The following PDE8B variants were observed in gnomAD, a reference collection of about 807,000 sequenced individuals.
PDE8B encodes phosphodiesterase 8B.
In PDE8B, 26 loss-of-function variants were observed where a neutral mutation model predicts 101.3. The ratio of observed to expected loss-of-function variants is 0.26; its 90% confidence interval spans 0.19 to 0.36. The LOEUF (loss-of-function observed/expected upper bound fraction) is 0.36. Ranked by LOEUF, PDE8B falls within the 10% of genes least tolerant of loss-of-function variation. The probability of loss-of-function intolerance (pLI) is 1.00; values close to 1 mark genes in which losing one functional copy is unlikely to be tolerated. For synonymous variants in PDE8B, 424 were observed against 429.3 expected, an observed-to-expected ratio of 0.99 and a Z score of 0.15; for missense variants, 810 against 1,163.1, an observed-to-expected ratio of 0.70 and a Z score of 4.42.
In PDE8B at chr5:77,291,523, G is replaced by A; in HGVS notation, c.340-20471G>A. 6 of 1,606,792 alleles carry A rather than the reference G, an allele frequency of 3.7e-6. No individual in the cohort carries two copies. In the South Asian group the frequency reaches 5.5e-5, roughly 15 times the overall value. ...AAGAATGAAGAAGAGGTCTTTGCAT[G>A]GAATACTGAAGTAAAACAGAGACTT... On this transcript the variant is annotated intron_variant, in intron 1 of 21. Coordinates refer to ENST00000264917, the MANE Select transcript of PDE8B (RefSeq NM_003719.5).
chr5:77,226,840 G>A (rs1460609145), intron 1 of PDE8B, among the ~76,000 whole-genome samples: 1 of 152,088 alleles, frequency 6.6e-6, no homozygotes, highest in African/African-American at 2.4e-5. Context: ...GGAGGTGTGA[G>A]ATCTCTGAGA....
At chr5:77,349,993 T>C (rs1192977079) in intron 8 of PDE8B, among the ~76,000 whole-genome samples, 1 of 152,152 alleles carries the variant, frequency 6.6e-6, no homozygotes, top group Non-Finnish European at 1.5e-5. Context: ...CAACATACAT[T>C]TGTAGCTTCC....
chr5:77,234,630 G>A (rs1440437088), intron 1 of PDE8B, among the ~76,000 whole-genome samples: 1 of 152,142 alleles, frequency 6.6e-6, no homozygotes, highest in Non-Finnish European at 1.5e-5. Flanking sequence ...AGAGACTCCA[G>A]TCTGGCCTTC....
intron 11 of PDE8B, among the ~76,000 whole-genome samples, chr5:77,404,316 G>T (rs773381275): frequency 6.6e-6 from 1 of 151,794 alleles, no homozygotes; most frequent in Non-Finnish European, 1.5e-5. Context: ...GTAGAGACAG[G>T]GTTTCTCCAT....
intron 1 of PDE8B, among the ~76,000 whole-genome samples, chr5:77,308,063 C>T (rs1385652915): frequency 6.6e-6 from 1 of 152,202 alleles, no homozygotes; most frequent in Non-Finnish European, 1.5e-5. Context: ...TGGTGAAATG[C>T]AGGCAGTTAG....
Position 77,272,671 on chromosome 5 carries a change from T to C in PDE8B, c.340-39323T>C, listed in dbSNP as rs1440602447. Among the ~76,000 whole-genome samples the C allele has an allele frequency of 2.0e-5, 3 of 152,268 alleles. 1 individual carries two copies. The South Asian group carries it at 6.2e-4, about 32-fold the overall frequency. On this transcript the variant is annotated intron_variant, in intron 1 of 21. Coordinates refer to ENST00000264917, the MANE Select transcript of PDE8B (RefSeq NM_003719.5). ...ACTTAGCATGGTACCTGGCACATAG[T>C]AAGTGCTCAATAAGCACTAGCTTCT...
the PDE8B span, among the ~76,000 whole-genome samples, chr5:77,201,657 A>G: frequency 6.6e-6 from 1 of 152,200 alleles, no homozygotes; most frequent in Non-Finnish European, 1.5e-5. Flanking sequence ...TTTTGCCATC[A>G]GTTTTGATAT....
At chr5:77,094,638 T>C in the PDE8B span, among the ~76,000 whole-genome samples, 1 of 152,212 alleles carries the variant, frequency 6.6e-6, no homozygotes, top group African/African-American at 2.4e-5. Flanking sequence ...TAGTCCATTT[T>C]GCATTGCTAT....
chr5:77,344,797 A>G, intron 6 of PDE8B, 56 bp from the exon 7 acceptor site: 1 of 1,106,694 alleles, frequency 9.0e-7, no homozygotes, highest in Non-Finnish European at 1.4e-6. Flanking sequence ...AAATTAACAG[A>G]TGAAATGTGA....
At chr5:77,148,165 T>G in the PDE8B span, 2 of 152,202 alleles carry the variant, frequency 1.3e-5, no homozygotes, top group Admixed American at 1.3e-4. Context: ...AATTGTCTCA[T>G]TTGTCTTTTA....
intron 10 of PDE8B, among the ~76,000 whole-genome samples, chr5:77,376,263 A>G (rs1255404131): frequency 6.6e-6 from 1 of 152,116 alleles, no homozygotes; most frequent in Non-Finnish European, 1.5e-5. Context: ...GTTATTTAGT[A>G]TCAAATTTGA....
At chr5:77,342,070 T>C (rs1184608126) in intron 6 of PDE8B, among the ~76,000 whole-genome samples, 6 of 152,344 alleles carry the variant, frequency 3.9e-5, no homozygotes, top group African/African-American at 1.4e-4. Context: ...TCCGCACGCA[T>C]ACCTCACTAT....
intron 2 of PDE8B, among the ~76,000 whole-genome samples, chr5:77,318,586 A>G (rs1035415803): frequency 1.3e-5 from 2 of 152,188 alleles, no homozygotes. Context: ...GTGAGACAGT[A>G]TGTTTCTAGT....
chr5:77,344,517 C>T (rs1779809239), intron 6 of PDE8B, among the ~76,000 whole-genome samples: 1 of 152,194 alleles, frequency 6.6e-6, no homozygotes, highest in South Asian at 2.1e-4. Context: ...CTGGTGAGGG[C>T]CTGTTCCTCA....
chr5:77,403,726 A>G (rs546826191), intron 11 of PDE8B, among the ~76,000 whole-genome samples: 3 of 152,230 alleles, frequency 2.0e-5, no homozygotes, highest in East Asian at 1.9e-4. Context: ...TGCTATAGCT[A>G]TGGTGTTCAG....
chr5:77,220,054 G>C (rs1343005108), intron 1 of PDE8B, among the ~76,000 whole-genome samples: 1 of 152,200 alleles, frequency 6.6e-6, no homozygotes, highest in Non-Finnish European at 1.5e-5. Context: ...GAGACTTCCT[G>C]CTCTCCCCCT....
the PDE8B span, chr5:77,142,285 G>A: frequency 6.6e-6 from 1 of 152,084 alleles, no homozygotes; most frequent in Non-Finnish European, 1.5e-5. Context: ...TTGCATATTG[G>A]TTGCATTTCT....
intron 5 of PDE8B, among the ~76,000 whole-genome samples, chr5:77,336,255 CACTT>C (rs1778169927): frequency 6.6e-6 from 1 of 152,058 alleles, no homozygotes; most frequent in Admixed American, 6.5e-5. Context: ...AATTCAGTGA[CACTT>C]AGCACATACA....
At chr5:77,268,184 G>A (rs1762113869) in intron 1 of PDE8B, among the ~76,000 whole-genome samples, 1 of 151,940 alleles carries the variant, frequency 6.6e-6, no homozygotes, top group African/African-American at 2.4e-5. Context: ...TTCCTCCCAT[G>A]TTCCTCTTTT....
Sources: gnomAD v4.1 joint callset for allele counts (sites outside exome capture counted in the v4.1 genomes callset) on GRCh38, gnomAD v4.1.1 for gene constraint, MANE v1.5 for transcripts, NCBI Gene and HGNC (gene_info 2026-07-23, HGNC 2026-07-21) for gene names.